ROBO1: variants seen among roughly 807,000 people sequenced by gnomAD.
The protein encoded by ROBO1 is roundabout guidance receptor 1.
Under a neutral mutation model 195.9 loss-of-function variants are expected in ROBO1, and 149 were observed. The observed-to-expected ratio is 0.76, with a 90% confidence interval of 0.67 to 0.87. ROBO1 has a LOEUF of 0.87. Among genes scored for constraint, ROBO1 ranks in the 40% least tolerant of loss-of-function variants. The pLI, the probability that ROBO1 is intolerant of heterozygous loss-of-function variation, is 0.00. For missense variants in ROBO1, 1,933 were observed against 2,068.3 expected (o/e 0.93, Z 1.27); for synonymous variants, 816 against 733.2 (o/e 1.11, Z -1.82).
intron 5 of ROBO1, among the ~76,000 whole-genome samples, chr3:78,718,180 T>C (rs2081949495): frequency 6.6e-6 from 1 of 152,190 alleles, no homozygotes; most frequent in Admixed American, 6.5e-5. Context: ...ATTATTTAGT[T>C]AAGTGAAAAA....
intron 1 of ROBO1, among the ~76,000 whole-genome samples, chr3:79,724,735 A>T (rs1463484466): frequency 6.6e-6 from 1 of 152,248 alleles, no homozygotes; most frequent in Non-Finnish European, 1.5e-5. Context: ...ACAGTGTCCC[A>T]GCAAATCATG....
At chr3:78,615,030 C>T (rs532957276) in intron 27 of ROBO1, among the ~76,000 whole-genome samples, 2 of 152,114 alleles carry the variant, frequency 1.3e-5, no homozygotes, top group South Asian at 2.1e-4. Context: ...TGTTTTAAAC[C>T]GCAGTGCTTT....
chr3:79,150,774 T>A (rs1449211622), intron 2 of ROBO1, among the ~76,000 whole-genome samples: 1 of 151,862 alleles, frequency 6.6e-6, no homozygotes, highest in African/African-American at 2.4e-5. Flanking sequence ...CAAGTTTACA[T>A]GTCCATAAAA....
chr3:78,738,196 T>C (rs1220118186), intron 5 of ROBO1, among the ~76,000 whole-genome samples: 1 of 152,002 alleles, frequency 6.6e-6, no homozygotes, highest in Non-Finnish European at 1.5e-5. Context: ...TTGTGAAGGA[T>C]CTGAAGGGCA....
At chr3:79,094,832 G>A (rs1387921008) in intron 3 of ROBO1, among the ~76,000 whole-genome samples, 3 of 151,434 alleles carry the variant, frequency 2.0e-5, no homozygotes, top group African/African-American at 7.3e-5. Flanking sequence ...TTTGAAATGA[G>A]GAGCCATAGA....
intron 1 of ROBO1, among the ~76,000 whole-genome samples, chr3:79,721,511 C>A (rs1276041557): frequency 1.3e-5 from 2 of 152,050 alleles, no homozygotes; most frequent in Non-Finnish European, 1.5e-5. Flanking sequence ...ATTATTGTCA[C>A]CAAACTTAGT....
chr3:79,545,700 AG>A (rs1213631524), intron 2 of ROBO1, among the ~76,000 whole-genome samples: 1 of 149,444 alleles, frequency 6.7e-6, no homozygotes, highest in Non-Finnish European at 1.5e-5. Context: ...GATGGTAGGT[AG>A]GTTTTTTCTT....
At chr3:78,694,403 G>C (rs891332030) in intron 8 of ROBO1, among the ~76,000 whole-genome samples, 1 of 152,080 alleles carries the variant, frequency 6.6e-6, no homozygotes, top group Admixed American at 6.6e-5. Context: ...TTGTTAAGTG[G>C]TACAGTTATA....
intron 1 of ROBO1, among the ~76,000 whole-genome samples, chr3:79,624,329 T>C (rs1008694132): frequency 6.6e-6 from 1 of 152,030 alleles, no homozygotes; most frequent in African/African-American, 2.4e-5. Flanking sequence ...GATGACAGGA[T>C]CAAATACATA....
chr3:79,331,660 A>G (rs1008664936), intron 2 of ROBO1, among the ~76,000 whole-genome samples: 14 of 152,174 alleles, frequency 9.2e-5, no homozygotes, highest in Non-Finnish European at 1.5e-4. Flanking sequence ...TATTGCAGAA[A>G]AAAAGTGTGT....
At chr3:79,196,014 C>T (rs919799613) in intron 2 of ROBO1, among the ~76,000 whole-genome samples, 1 of 151,372 alleles carries the variant, frequency 6.6e-6, no homozygotes, top group African/African-American at 2.4e-5. Flanking sequence ...TATTGAGCAC[C>T]TACTTCATGC....
intron 2 of ROBO1, among the ~76,000 whole-genome samples, chr3:79,211,312 A>G (rs2081962295): frequency 6.6e-6 from 1 of 152,108 alleles, no homozygotes; most frequent in Non-Finnish European, 1.5e-5. Flanking sequence ...TTGGTTGCCT[A>G]TATGTTCTAT....
chr3:79,019,243 T>C, intron 3 of ROBO1: 10 of 985,662 alleles, frequency 1.0e-5, no homozygotes, highest in Non-Finnish European at 1.2e-5. Context: ...ACCCCTAAAC[T>C]ACGCAGAAGC....
At chr3:78,973,065 C>G (rs2076804463) in intron 3 of ROBO1, among the ~76,000 whole-genome samples, 1 of 152,178 alleles carries the variant, frequency 6.6e-6, no homozygotes, top group Non-Finnish European at 1.5e-5. Flanking sequence ...GCTTTTAAGT[C>G]TGATCCTGCC....
intron 3 of ROBO1, among the ~76,000 whole-genome samples, chr3:79,117,691 T>A (rs531966992): frequency 6.6e-6 from 1 of 152,348 alleles, no homozygotes; most frequent in African/African-American, 2.4e-5. Flanking sequence ...CTAAATAGTT[T>A]CTTTCAAGCA....
chr3:79,428,859 A>C (rs1479450982), intron 2 of ROBO1, among the ~76,000 whole-genome samples: 1 of 152,128 alleles, frequency 6.6e-6, no homozygotes, highest in African/African-American at 2.4e-5. Flanking sequence ...TAAGTGAAAA[A>C]AAAAATCAGA....
intron 4 of ROBO1, among the ~76,000 whole-genome samples, chr3:78,833,914 A>AT (rs1391221909): frequency 3.9e-5 from 6 of 152,190 alleles, no homozygotes; most frequent in African/African-American, 1.2e-4. Flanking sequence ...TAATAAAACA[A>AT]TAACAAAACA....
intron 2 of ROBO1, among the ~76,000 whole-genome samples, chr3:79,501,268 C>G (rs1940055592): frequency 6.6e-6 from 1 of 152,134 alleles, no homozygotes; most frequent in South Asian, 2.1e-4. Context: ...GTTTGCCTAC[C>G]TCTGCCCTAC....
At chr3:79,092,886 A>T (rs1308593439) in intron 3 of ROBO1, among the ~76,000 whole-genome samples, 2 of 152,128 alleles carry the variant, frequency 1.3e-5, no homozygotes, top group Admixed American at 1.3e-4. Context: ...AGTAATTATC[A>T]TTATTTTCTT....
Sources: allele counts gnomAD v4.1 joint callset (sites outside exome capture counted in the v4.1 genomes callset), GRCh38; gene constraint gnomAD v4.1.1; transcripts MANE v1.5; gene names NCBI Gene and HGNC (gene_info 2026-07-23, HGNC 2026-07-21).